The following APOBEC2 variants were observed in gnomAD, a reference collection of about 807,000 sequenced individuals.
APOBEC2 encodes the protein apolipoprotein B mRNA editing enzyme catalytic subunit 2.
A neutral mutation model predicts 19.4 loss-of-function variants in APOBEC2; 14 were observed. The observed-to-expected ratio is 0.72, with a 90% CI of 0.48 to 1.13. The LOEUF is 1.13. Among genes scored for constraint, APOBEC2 ranks in the 50% most tolerant of loss-of-function variants. APOBEC2 has a pLI of 0.00. For missense variants in APOBEC2, 304 were observed against 277.0 expected, an observed-to-expected ratio of 1.10 and a Z score of -0.69; for synonymous variants, 127 against 112.1, an observed-to-expected ratio of 1.13 and a Z score of -0.84.
At chr6:41,062,640 A>C (rs1762890351) in intron 2 of APOBEC2, among the ~76,000 whole-genome samples, 1 of 152,246 alleles carries the variant, frequency 6.6e-6, no homozygotes, top group South Asian at 2.1e-4. Context: ...AGACATTTGT[A>C]AAGTAGGCAG....
chr6:41,063,133 T>C (rs1762899391), intron 2 of APOBEC2, among the ~76,000 whole-genome samples: 1 of 152,182 alleles, frequency 6.6e-6, no homozygotes, highest in Non-Finnish European at 1.5e-5. Flanking sequence ...TGTTTTCTAT[T>C]AGACATGCAC....
rs993993833 is a variant in APOBEC2, at chr6:41,061,688, T to G, written c.492T>G (p.Ala164=). The G allele has an allele frequency of 1.2e-6, 2 of 1,614,128 alleles. No individual in the cohort carries two copies. Among genetic ancestry groups the G allele is most frequent in the Non-Finnish European group, 1.7e-6 (2 of 1,180,050 alleles). The stretch of plus-strand genomic sequence containing the variant: ...TGTGGGAGGAGCCGGAGATCCAGGC[T>G]GCTCTGAAGAAGCTGAAGGAGGCTG... ...LFMWEEPEIQ[A]ALKKLKEAGC... The change falls in exon 2 of 3, where the codon GCT becomes GCG. Residue 164 remains alanine, a synonymous_variant. Transcript: ENST00000244669.
chr6:41,054,147 G>A (rs1468794049), intron 1 of APOBEC2, among the ~76,000 whole-genome samples: 2 of 152,208 alleles, frequency 1.3e-5, no homozygotes, highest in African/African-American at 2.4e-5. Context: ...GAGGAACTGG[G>A]ACCCAAAGAA....
chr6:41,060,445 T>C (rs1334295660), intron 1 of APOBEC2, among the ~76,000 whole-genome samples: 2 of 152,232 alleles, frequency 1.3e-5, no homozygotes, highest in Non-Finnish European at 2.9e-5. Context: ...CTTCCTTTAC[T>C]GTACCTATCC....
At chr6:41,061,270 G>T (rs1196516792) in intron 1 of APOBEC2, 58 bp from the exon 2 acceptor site, 1 of 1,467,830 alleles carries the variant, frequency 6.8e-7, no homozygotes, top group South Asian at 1.4e-5. Context: ...ACTCTAGGCT[G>T]GTTCTAGAAA....
chr6:41,054,247 T>G (rs970985360), intron 1 of APOBEC2, among the ~76,000 whole-genome samples: 1 of 152,184 alleles, frequency 6.6e-6, no homozygotes, highest in Non-Finnish European at 1.5e-5. Context: ...AACTAAGTAG[T>G]CTTCTTCCTC....
chr6:41,058,328 G>A (rs888650080), intron 1 of APOBEC2, among the ~76,000 whole-genome samples: 7 of 135,070 alleles, frequency 5.2e-5, no homozygotes, highest in Non-Finnish European at 9.3e-5. Flanking sequence ...GCATGAGGAA[G>A]TGACTGGATC....
chr6:41,063,663 TA>T lies in APOBEC2; in HGVS notation c.*22-425del, dbSNP rs36027549. ...AGGGAAAGGTTAAGATATATCAAGT[TA>T]AAAAAAAAAAAACTGGCATGAGATA... On this transcript the variant is annotated intron_variant, in intron 2 of 2. Coordinates refer to ENST00000244669, the MANE Select transcript of APOBEC2 (RefSeq NM_006789.4). Among the ~76,000 whole-genome samples the T allele has an allele frequency of 4.2e-3, 588 of 141,524 alleles. 11 individuals are homozygous for T. The South Asian group carries it at 0.063, about 15-fold the overall frequency. 92.8% of individuals were successfully genotyped at this position (141,524 alleles called of 152,430 possible).
At chr6:41,054,904 T>A (rs1482144256) in intron 1 of APOBEC2, among the ~76,000 whole-genome samples, 1 of 152,148 alleles carries the variant, frequency 6.6e-6, no homozygotes, top group Non-Finnish European at 1.5e-5. Context: ...GGAGGGTAGG[T>A]CAAGAACAGA....
At position 41,060,594 on chromosome 6, in the gene APOBEC2, A is replaced by G. The variant is rs572332418; in HGVS notation, c.132-734A>G. On this transcript the variant is annotated intron_variant, in intron 1 of 2. Coordinates refer to ENST00000244669, the MANE Select transcript of APOBEC2 (RefSeq NM_006789.4). ...ATTTGGAGGTGACTCAATACTAAATACAGGCTTAACTATCCCAAGATACCC... is the reference window on the plus strand; with the variant it reads ...ATTTGGAGGTGACTCAATACTAAATGCAGGCTTAACTATCCCAAGATACCC... Among the ~76,000 whole-genome samples, 263 of 152,350 alleles carry G rather than the reference A, an allele frequency of 1.7e-3. 2 individuals carry two copies. The highest frequency in any genetic ancestry group is 5.6e-3 in the African/African-American group (232 of 41,586).
In APOBEC2 at chr6:41,053,427, C is replaced by G; in HGVS notation, c.80C>G (p.Pro27Arg). ...NGEDLENLDD[P>R]EKLKELIELP... ...GAGGATCTGGAGAACCTGGACGACC[C>G]TGAGAAGCTGAAAGAGCTGATTGAG... The change falls in exon 1 of 3, where the codon CCT (proline) becomes CGT (arginine). Residue 27 changes from proline to arginine, a missense_variant. Transcript: ENST00000244669. The G allele has an allele frequency of 6.2e-7, 1 of 1,614,222 alleles. No individual in the cohort carries two copies. The highest frequency in any genetic ancestry group is 8.5e-7 in the Non-Finnish European group (1 of 1,180,030).
intron 2 of APOBEC2, among the ~76,000 whole-genome samples, 186 bp downstream of exon 2, chr6:41,062,078 C>T (rs998221045): frequency 6.6e-6 from 1 of 152,220 alleles, no homozygotes; most frequent in Non-Finnish European, 1.5e-5. Context: ...CTAAACTTTT[C>T]CCTCCCACAC....
At chr6:41,053,576 C>G in intron 1 of APOBEC2, 98 bp downstream of exon 1, 2 of 1,544,210 alleles carry the variant, frequency 1.3e-6, no homozygotes, top group Non-Finnish European at 1.8e-6. Context: ...GCGTCAGGGA[C>G]AGCTACAACC....
At chr6:41,056,192 GCTCA>G (rs1402220172) in intron 1 of APOBEC2, among the ~76,000 whole-genome samples, 1 of 152,208 alleles carries the variant, frequency 6.6e-6, no homozygotes, top group Non-Finnish European at 1.5e-5. Context: ...TGCAATCACA[GCTCA>G]CTGTCGTCGC....
chr6:41,053,679 T>C (rs1762759671), intron 1 of APOBEC2, among the ~76,000 whole-genome samples: 1 of 152,060 alleles, frequency 6.6e-6, no homozygotes, highest in Admixed American at 6.5e-5. Flanking sequence ...CACCTTGGGC[T>C]CTCTAATCAG....
chr6:41,061,058 A>T (rs1326685341), intron 1 of APOBEC2, among the ~76,000 whole-genome samples: 1 of 150,834 alleles, frequency 6.6e-6, no homozygotes. Context: ...GTGCTGGAAG[A>T]GTGATGGTGG....
At position 41,061,633 on chromosome 6, in the gene APOBEC2, G is replaced by A. The variant is rs762889651; in HGVS notation, c.437G>A (p.Arg146His). ...IKTLSKTKNL[R>H]LLILVGRLFM... ...ACCCTTAGCAAGACCAAGAACCTGC[G>A]TCTGCTCATTCTGGTGGGTCGACTC... Residue 146 changes from arginine (R) to histidine (H), a missense_variant, in exon 2 of 3, where the codon CGT becomes CAT. By Grantham distance (29) the Arg-to-His change is conservative (BLOSUM62 0). Coordinates refer to ENST00000244669, the MANE Select transcript of APOBEC2 (RefSeq NM_006789.4). 25 of 1,614,102 alleles carry A rather than the reference G, an allele frequency of 1.5e-5. No homozygotes were observed. The highest frequency in any genetic ancestry group is 6.7e-5 in the East Asian group (3 of 44,902).
At chr6:41,063,470 T>C (rs1219832996) in intron 2 of APOBEC2, among the ~76,000 whole-genome samples, 2 of 151,564 alleles carry the variant, frequency 1.3e-5, no homozygotes, top group Non-Finnish European at 2.9e-5. Context: ...AACCCCAGTA[T>C]ATTTTCCTTT....
At chr6:41,054,400 G>A (rs1762769908) in intron 1 of APOBEC2, among the ~76,000 whole-genome samples, 2 of 152,288 alleles carry the variant, frequency 1.3e-5, no homozygotes, top group South Asian at 2.1e-4. Flanking sequence ...GAGTGGGTGC[G>A]AGACTAAGAG....
Sources: allele counts gnomAD v4.1 joint callset (sites outside exome capture counted in the v4.1 genomes callset), GRCh38; gene constraint gnomAD v4.1.1; transcripts MANE v1.5; gene names NCBI Gene and HGNC (gene_info 2026-07-23, HGNC 2026-07-21).